Variants in ZNF536 observed in about 807,000 individuals in gnomAD.
The protein encoded by ZNF536 is zinc finger protein 536.
Under a neutral mutation model 84.5 loss-of-function variants are expected in ZNF536, and 13 were observed. That is an observed-to-expected ratio of 0.15 (90% CI 0.10 to 0.24). The LOEUF is 0.24. Ranked by LOEUF, ZNF536 falls within the 10% of genes least tolerant of loss-of-function variation. The pLI is 1.00. For synonymous variants in ZNF536, 811 were observed against 742.5 expected, an observed-to-expected ratio of 1.09 and a Z score of -1.50; for missense variants, 1,536 against 1,747.5, an observed-to-expected ratio of 0.88 and a Z score of 2.16.
At chr19:30,298,412 A>G (rs1487305758) in intron 2 of ZNF536, among the ~76,000 whole-genome samples, 1 of 152,206 alleles carries the variant, frequency 6.6e-6, no homozygotes, top group African/African-American at 2.4e-5. Flanking sequence ...TTTGCCATAC[A>G]GTGCAGAGGA....
At chr19:30,233,443 G>C (rs549060377) in intron 1 of ZNF536, among the ~76,000 whole-genome samples, 16 of 151,858 alleles carry the variant, frequency 1.1e-4, no homozygotes, top group African/African-American at 2.4e-4. Context: ...CTGGGTTCAA[G>C]AGATCCTCCC....
downstream of ZNF536, among the ~76,000 whole-genome samples, chr19:30,559,281 T>G (rs1247586357): frequency 6.6e-6 from 1 of 152,190 alleles, no homozygotes; most frequent in Non-Finnish European, 1.5e-5. Flanking sequence ...CTGTGATGGA[T>G]CCCTAAATGC....
intron 1 of ZNF536, among the ~76,000 whole-genome samples, chr19:30,606,843 C>T (rs12461629): frequency 0.015 from 2,307 of 152,212 alleles, 89 homozygotes; most frequent in Admixed American, 0.088. Flanking sequence ...TACATCATGA[C>T]CTCCATCAAA....
intron 2 of ZNF536, among the ~76,000 whole-genome samples, chr19:30,328,326 C>T (rs765112685): frequency 3.0e-4 from 46 of 152,152 alleles, no homozygotes; most frequent in Admixed American, 5.2e-4. Context: ...GCCACAGCTA[C>T]CCAAGGGCAA....
chr19:30,682,717 G>A (rs1448555098), intron 1 of ZNF536, among the ~76,000 whole-genome samples: 1 of 152,118 alleles, frequency 6.6e-6, no homozygotes, highest in African/African-American at 2.4e-5. Flanking sequence ...GGGGAAATGA[G>A]GGATGAAGAA....
intron 1 of ZNF536, among the ~76,000 whole-genome samples, chr19:30,274,266 G>A (rs1013542155): frequency 3.9e-5 from 6 of 152,156 alleles, no homozygotes; most frequent in East Asian, 3.8e-4. Context: ...TTTGACTGTC[G>A]AAATGCCAGA....
intron 2 of ZNF536, among the ~76,000 whole-genome samples, chr19:30,524,525 G>A (rs1376790070): frequency 1.3e-5 from 2 of 152,192 alleles, no homozygotes; most frequent in East Asian, 3.9e-4. Flanking sequence ...CATCTCTAGG[G>A]GAGGCGTTAT....
chr19:30,560,995 T>C (rs1287550011), downstream of ZNF536, among the ~76,000 whole-genome samples: 1 of 152,186 alleles, frequency 6.6e-6, no homozygotes, highest in Non-Finnish European at 1.5e-5. Context: ...CATCCAGACA[T>C]TGGCTGGCTT....
Position 30,523,078 on chromosome 19 carries a change from A to C in ZNF536, c.2171-11769A>C, listed in dbSNP as rs549987733. Among the ~76,000 whole-genome samples, 17 of 152,190 alleles carry C rather than the reference A, an allele frequency of 1.1e-4. 1 individual carries two copies. The South Asian group carries it at 3.5e-3, about 32-fold the overall frequency. ...CCCCAACTGGACTTTTCAGGGAAGG[A>C]TCATGTCCCCTCATGCTGGCACTTT... On this transcript the variant is annotated intron_variant, in intron 2 of 4. Transcript: ENST00000355537.
chr19:30,470,082 G>A (rs1407533632), intron 2 of ZNF536, among the ~76,000 whole-genome samples: 1 of 152,226 alleles, frequency 6.6e-6, no homozygotes, highest in Non-Finnish European at 1.5e-5. Context: ...CTCCTCCCAG[G>A]TGAGTCCTGA....
chr19:30,441,764 G>A (rs540438638), intron 1 of ZNF536, among the ~76,000 whole-genome samples: 126 of 152,314 alleles, frequency 8.3e-4, no homozygotes, highest in African/African-American at 2.9e-3. Context: ...TCTTTCATTC[G>A]TGGACAAAGT....
At chr19:30,339,112 C>T (rs959548927) in intron 2 of ZNF536, among the ~76,000 whole-genome samples, 7 of 152,190 alleles carry the variant, frequency 4.6e-5, no homozygotes, top group African/African-American at 1.2e-4. Context: ...CATGTGCCGC[C>T]GCCTCCTTTG....
intron 1 of ZNF536, among the ~76,000 whole-genome samples, chr19:30,698,556 TTTC>T (rs2051761991): frequency 6.6e-6 from 1 of 152,220 alleles, no homozygotes; most frequent in African/African-American, 2.4e-5. Flanking sequence ...GTTTCTCACT[TTTC>T]TTGTTTCTGA....
intron 2 of ZNF536, among the ~76,000 whole-genome samples, chr19:30,322,939 T>C (rs1355634282): frequency 6.6e-6 from 1 of 152,170 alleles, no homozygotes; most frequent in African/African-American, 2.4e-5. Context: ...AGCATGATAG[T>C]TCCTTAGGGG....
chr19:30,417,721 G>A (rs1346857253), intron 1 of ZNF536, among the ~76,000 whole-genome samples: 6 of 152,074 alleles, frequency 3.9e-5, no homozygotes, highest in Admixed American at 1.3e-4. Context: ...TGATGAAAAC[G>A]TCTCTAGTGT....
chr19:30,594,235 A>G (rs2047370312), intron 1 of ZNF536, among the ~76,000 whole-genome samples: 1 of 152,164 alleles, frequency 6.6e-6, no homozygotes, highest in Non-Finnish European at 1.5e-5. Context: ...GGAAATGCCT[A>G]TTTGACCCAG....
intron 1 of ZNF536, among the ~76,000 whole-genome samples, chr19:30,384,549 C>A (rs979135945): frequency 1.8e-4 from 28 of 151,522 alleles, no homozygotes; most frequent in Non-Finnish European, 4.0e-4. Context: ...GGGTGGGACC[C>A]TGCTTTGGTT....
intron 1 of ZNF536, among the ~76,000 whole-genome samples, chr19:30,595,594 C>T (rs1334281432): frequency 6.6e-6 from 1 of 152,156 alleles, no homozygotes; most frequent in Middle Eastern, 3.2e-3. Context: ...GGCCAGAACT[C>T]AATGTTCTTG....
chr19:30,560,189 CA>C (rs977989506), downstream of ZNF536, among the ~76,000 whole-genome samples: 2 of 152,048 alleles, frequency 1.3e-5, no homozygotes, highest in Non-Finnish European at 2.9e-5. Flanking sequence ...TACAGCTCTG[CA>C]AGGGGGTCAG....
Sources: allele counts gnomAD v4.1 joint callset (sites outside exome capture counted in the v4.1 genomes callset), GRCh38; gene constraint gnomAD v4.1.1; transcripts MANE v1.5; gene names NCBI Gene and HGNC (gene_info 2026-07-23, HGNC 2026-07-21).